OR6N1: variants seen among roughly 807,000 people sequenced by gnomAD.
OR6N1 encodes olfactory receptor family 6 subfamily N member 1, also known as olfactory receptor 6N1.
For synonymous variants in OR6N1, 170 were observed against 150.7 expected, an observed-to-expected ratio of 1.13 and a Z score of -0.94; for missense variants, 394 against 371.7, an observed-to-expected ratio of 1.06 and a Z score of -0.49.
intron 1 of OR6N1, among the ~76,000 whole-genome samples, chr1:158,767,609 T>C (rs1657309225): frequency 6.6e-6 from 1 of 152,216 alleles, no homozygotes; most frequent in Non-Finnish European, 1.5e-5. Context: ...AATATTGTAA[T>C]ACAGAGTATA....
the OR6N1 span, among the ~76,000 whole-genome samples, chr1:158,805,773 T>C: frequency 6.6e-6 from 1 of 152,184 alleles, no homozygotes; most frequent in Admixed American, 6.5e-5. Flanking sequence ...GGGAACTCAA[T>C]CTCTATCACA....
the OR6N1 span, among the ~76,000 whole-genome samples, chr1:158,828,125 G>A: frequency 6.6e-6 from 1 of 152,062 alleles, no homozygotes; most frequent in Non-Finnish European, 1.5e-5. Flanking sequence ...GGAATTGTGG[G>A]AGCTACAAGA....
At position 158,766,638 on chromosome 1, in the gene OR6N1, C is replaced by T; in HGVS notation, c.45G>A (p.Leu15=). 6.2e-7 allele frequency: 1 copy of T among 1,613,418 alleles called. No individual in the cohort carries two copies. The highest frequency in any genetic ancestry group is 8.5e-7 in the Non-Finnish European group (1 of 1,179,906). Residue 15 remains leucine (L), a synonymous_variant, in exon 2 of 2, where the codon TTG becomes TTA. Transcript: ENST00000641846. The part of the protein sequence containing the change: ...NWSQVAEFII[L]GFPHLQGVQI... The stretch of plus-strand genomic sequence containing the variant: ...GGACACCCTGGAGATGGGGGAAGCC[C>T]AAGATGATGAATTCTGCTACCTGGC...
At chr1:158,817,670 C>T in the OR6N1 span, among the ~76,000 whole-genome samples, 1 of 152,134 alleles carries the variant, frequency 6.6e-6, no homozygotes, top group Non-Finnish European at 1.5e-5. Flanking sequence ...CCCATGGTTC[C>T]AGGAGACATG....
intron 1 of OR6N1, among the ~76,000 whole-genome samples, chr1:158,767,314 T>C (rs74122462): frequency 0.021 from 3,122 of 152,094 alleles, 55 homozygotes; most frequent in African/African-American, 0.046. Flanking sequence ...CAGTCAAAAA[T>C]AAGAAGGTTA....
the OR6N1 span, chr1:158,777,472 A>G: frequency 6.2e-7 from 1 of 1,614,234 alleles, no homozygotes; most frequent in South Asian, 1.1e-5. Context: ...AGGTGTGTGC[A>G]GAGCTGCATC....
rs768480817 is a variant in OR6N1, at chr1:158,766,599, G to A, written c.84C>T (p.Phe28=). The A allele has an allele frequency of 1.2e-6, 2 of 1,613,996 alleles. No homozygotes were observed. Among genetic ancestry groups the A allele is most frequent in the South Asian group, 1.1e-5 (1 of 91,056 alleles). Residue 28 remains phenylalanine, a synonymous_variant, in exon 2 of 2, where the codon TTC becomes TTT. Coordinates refer to ENST00000641846, the MANE Select transcript of OR6N1 (RefSeq NM_001005185.2). ...PHLQGVQIYL[F]LLLLLIYLMT... The stretch of plus-strand genomic sequence containing the variant: ...TGAGGTAAATGAGAAGCAACAAGAG[G>A]AAGAGATAAATCTGGACACCCTGGA...
At chr1:158,795,799 C>G in the OR6N1 span, among the ~76,000 whole-genome samples, 2 of 152,196 alleles carry the variant, frequency 1.3e-5, no homozygotes, top group African/African-American at 2.4e-5. Context: ...TTCTTATGCT[C>G]TGGAGACTCA....
chr1:158,770,225 A>G (rs2102009744), intron 1 of OR6N1, among the ~76,000 whole-genome samples: 1 of 152,306 alleles, frequency 6.6e-6, no homozygotes, highest in South Asian at 2.1e-4. Context: ...ATAACTCCAA[A>G]GACTTATTAT....
At chr1:158,791,711 G>A in the OR6N1 span, among the ~76,000 whole-genome samples, 1 of 151,956 alleles carries the variant, frequency 6.6e-6, no homozygotes, top group Admixed American at 6.6e-5. Flanking sequence ...CTCGTGATTT[G>A]CCTGCCTCGG....
the OR6N1 span, among the ~76,000 whole-genome samples, chr1:158,812,608 A>G: frequency 6.6e-6 from 1 of 152,258 alleles, no homozygotes; most frequent in African/African-American, 2.4e-5. Context: ...ATTTCATAAT[A>G]TGATTGCTAA....
the OR6N1 span, among the ~76,000 whole-genome samples, chr1:158,792,375 G>A: frequency 6.6e-5 from 10 of 152,098 alleles, no homozygotes; most frequent in Non-Finnish European, 2.9e-5. Flanking sequence ...TTTAAGTGGA[G>A]CAATTAGATC....
At chr1:158,803,496 A>G in the OR6N1 span, among the ~76,000 whole-genome samples, 10 of 152,208 alleles carry the variant, frequency 6.6e-5, no homozygotes, top group African/African-American at 2.4e-4. Context: ...CAATTCTTCA[A>G]ATGAATAATT....
Position 158,766,536 on chromosome 1 carries a change from G to C in OR6N1, c.147C>G (p.Val49=). The C allele has an allele frequency of 6.2e-7, 1 of 1,614,100 alleles. No homozygotes were observed. Among genetic ancestry groups the C allele is most frequent in the Non-Finnish European group, 8.5e-7 (1 of 1,180,004 alleles). ...GTGTGTGAAGCCGGGAGTCCAGGCAGACCACCAGGAATATCAGCAGGTTTC... is the reference window on the plus strand; with the variant it reads ...GTGTGTGAAGCCGGGAGTCCAGGCACACCACCAGGAATATCAGCAGGTTTC... ...VLGNLLIFLV[V]CLDSRLHTPM... is the part of the protein sequence containing the mutation. The change falls in exon 2 of 2, where the codon GTC becomes GTG. Residue 49 remains valine (V), a synonymous_variant. Transcript: ENST00000641846.
At chr1:158,809,722 C>A in the OR6N1 span, among the ~76,000 whole-genome samples, 1 of 152,110 alleles carries the variant, frequency 6.6e-6, no homozygotes, top group Non-Finnish European at 1.5e-5. Flanking sequence ...AAAGTCACCT[C>A]CCAAAAGTGA....
chr1:158,786,118 G>A, the OR6N1 span, among the ~76,000 whole-genome samples: 1 of 152,064 alleles, frequency 6.6e-6, no homozygotes, highest in South Asian at 2.1e-4. Flanking sequence ...TCCAACGAAA[G>A]ACTAATATCC....
rs762833396 is a variant in OR6N1 at position 158,766,640 on chromosome 1, A to G, written c.43T>C (p.Leu15=). 10 of 1,613,374 alleles carry G rather than the reference A, an allele frequency of 6.2e-6. No homozygotes were observed. Among genetic ancestry groups the G allele is most frequent in the African/African-American group, 5.3e-5 (4 of 74,940 alleles). ...NWSQVAEFII[L]GFPHLQGVQI... is the part of the protein sequence containing the mutation. ...ACACCCTGGAGATGGGGGAAGCCCA[A>G]GATGATGAATTCTGCTACCTGGCTC... Residue 15 remains leucine (L), a synonymous_variant, in exon 2 of 2, where the codon TTG becomes CTG. Coordinates refer to ENST00000641846, the MANE Select transcript of OR6N1 (RefSeq NM_001005185.2).
At chr1:158,822,218 TA>T in the OR6N1 span, among the ~76,000 whole-genome samples, 2 of 152,192 alleles carry the variant, frequency 1.3e-5, no homozygotes, top group African/African-American at 4.8e-5. Flanking sequence ...AATTCTAAAA[TA>T]GTTTTTCTAG....
chr1:158,838,358 AT>A, the OR6N1 span, among the ~76,000 whole-genome samples: 6 of 152,148 alleles, frequency 3.9e-5, no homozygotes, highest in African/African-American at 1.4e-4. Flanking sequence ...CAGATATAGC[AT>A]TTTTGATGGA....
Sources: allele counts gnomAD v4.1 joint callset (sites outside exome capture counted in the v4.1 genomes callset), GRCh38; gene constraint gnomAD v4.1.1; transcripts MANE v1.5; gene names NCBI Gene and HGNC (gene_info 2026-07-23, HGNC 2026-07-21).